GRIN2A: variants seen among roughly 807,000 people sequenced by gnomAD.
The protein encoded by GRIN2A is glutamate receptor ionotropic, NMDA 2A.
In GRIN2A, 22 loss-of-function variants were observed where a neutral mutation model predicts 113.4. That is an observed-to-expected ratio of 0.19 (90% CI 0.14 to 0.28). The LOEUF is 0.28. GRIN2A is among the 10% of genes least tolerant of loss of function. The pLI, the probability that GRIN2A is intolerant of heterozygous loss-of-function variation, is 1.00. For missense variants in GRIN2A, 1,502 were observed against 1,887.0 expected (o/e 0.80, Z 3.78); for synonymous variants, 827 against 738.4 (o/e 1.12, Z -1.94).
intron 10 of GRIN2A, among the ~76,000 whole-genome samples, chr16:9,811,353 C>G (rs1450174490): frequency 6.6e-6 from 1 of 152,202 alleles, no homozygotes; most frequent in South Asian, 2.1e-4. Flanking sequence ...TGGCTTCTGC[C>G]TGAACTTCAG....
chr16:10,135,375 C>T (rs982010713), intron 2 of GRIN2A, among the ~76,000 whole-genome samples: 7 of 152,192 alleles, frequency 4.6e-5, no homozygotes, highest in Non-Finnish European at 8.8e-5. Flanking sequence ...CCTTCTCTAA[C>T]ATGTTTCTTA....
intron 10 of GRIN2A, among the ~76,000 whole-genome samples, chr16:9,807,403 AGG>A: frequency 1.3e-5 from 1 of 75,480 alleles, no homozygotes; most frequent in East Asian, 4.2e-4. Flanking sequence ...GGAGGGAGGG[AGG>A]GAGAGAAAGG....
intron 2 of GRIN2A, among the ~76,000 whole-genome samples, chr16:10,144,067 A>G (rs1052698418): frequency 1.3e-5 from 2 of 152,164 alleles, no homozygotes; most frequent in East Asian, 1.9e-4. Flanking sequence ...TATTTCTTTG[A>G]GATCCTGATT....
intron 2 of GRIN2A, among the ~76,000 whole-genome samples, chr16:9,949,660 G>T (rs987163507): frequency 1.3e-5 from 2 of 150,490 alleles, no homozygotes; most frequent in Non-Finnish European, 3.0e-5. Flanking sequence ...CAGATGGACA[G>T]ATGGATGGAC....
At chr16:10,110,012 T>C (rs555160839) in intron 2 of GRIN2A, among the ~76,000 whole-genome samples, 1 of 152,322 alleles carries the variant, frequency 6.6e-6, no homozygotes, top group African/African-American at 2.4e-5. Flanking sequence ...TAACTCGTCA[T>C]CTAGCATTAG....
chr16:9,986,473 A>G (rs986974783), intron 2 of GRIN2A, among the ~76,000 whole-genome samples: 2 of 152,166 alleles, frequency 1.3e-5, no homozygotes, highest in Non-Finnish European at 2.9e-5. Context: ...TCTTTTAAAG[A>G]AATAAAATGG....
chr16:9,916,829 G>C (rs1169530762), intron 3 of GRIN2A, among the ~76,000 whole-genome samples: 1 of 152,170 alleles, frequency 6.6e-6, no homozygotes, highest in South Asian at 2.1e-4. Context: ...ACATATGAAA[G>C]GAATTTTCTT....
chr16:10,058,308 CAAAG>C (rs750298428), intron 2 of GRIN2A, among the ~76,000 whole-genome samples: 18 of 150,630 alleles, frequency 1.2e-4, no homozygotes, highest in Admixed American at 4.0e-4. Context: ...AAACAAAAAA[CAAAG>C]AAACAAAAAA....
intron 2 of GRIN2A, among the ~76,000 whole-genome samples, chr16:9,995,023 C>T (rs377389192): frequency 1.3e-5 from 2 of 152,114 alleles, no homozygotes; most frequent in Admixed American, 6.5e-5. Context: ...AGTCCAGGGA[C>T]GAGCTGAAGA....
intron 2 of GRIN2A, among the ~76,000 whole-genome samples, chr16:10,156,732 G>C (rs1173529422): frequency 6.6e-6 from 1 of 152,230 alleles, no homozygotes; most frequent in Non-Finnish European, 1.5e-5. Context: ...TAAAGGCAAA[G>C]CGGGACTAAC....
intron 2 of GRIN2A, among the ~76,000 whole-genome samples, chr16:10,109,173 A>C (rs2048559509): frequency 6.6e-6 from 1 of 152,072 alleles, no homozygotes; most frequent in Non-Finnish European, 1.5e-5. Context: ...ACCTAGATGA[A>C]ATGGACAAAT....
At chr16:9,773,313 G>A (rs894310322) in intron 11 of GRIN2A, among the ~76,000 whole-genome samples, 3 of 152,126 alleles carry the variant, frequency 2.0e-5, no homozygotes, top group Non-Finnish European at 2.9e-5. Flanking sequence ...AACTTGCAGC[G>A]GGCTTGAGAG....
intron 2 of GRIN2A, among the ~76,000 whole-genome samples, chr16:10,025,356 G>A (rs1476338214): frequency 7.1e-6 from 1 of 139,910 alleles, no homozygotes; most frequent in East Asian, 2.2e-4. Context: ...AGGCTGGAGT[G>A]CAGTGGTGTA....
intron 2 of GRIN2A, among the ~76,000 whole-genome samples, chr16:10,172,180 G>C (rs148858383): frequency 1.5e-3 from 231 of 152,326 alleles, no homozygotes; most frequent in African/African-American, 5.5e-3. Context: ...GGTTCAGACA[G>C]GTGAAGGGCC....
chr16:9,963,648 C>T (rs1450257809), intron 2 of GRIN2A, among the ~76,000 whole-genome samples: 1 of 152,144 alleles, frequency 6.6e-6, no homozygotes, highest in Non-Finnish European at 1.5e-5. Flanking sequence ...TATATGTAAG[C>T]TATGCCTCCA....
intron 2 of GRIN2A, among the ~76,000 whole-genome samples, chr16:9,946,185 C>T (rs1274469557): frequency 1.3e-5 from 2 of 152,182 alleles, no homozygotes; most frequent in African/African-American, 2.4e-5. Flanking sequence ...TGCAAGGAAA[C>T]AGCAAAGACC....
rs571382201 is a variant in GRIN2A at position 10,061,877 on chromosome 16, C to T, written c.414+118121G>A. 1.1e-4 allele frequency among the ~76,000 whole-genome samples: 16 copies of T among 152,280 alleles called. 1 individual carries two copies. In the South Asian group the frequency reaches 2.5e-3, roughly 24 times the overall value. On this transcript the variant is annotated intron_variant, in intron 2 of 12. Transcript: ENST00000330684. ...TCATAAACAGAACATAAAGGCCAATCGAACTCAGCAGCAAAATGGGACGTA... is the reference window on the plus strand; with the variant it reads ...TCATAAACAGAACATAAAGGCCAATTGAACTCAGCAGCAAAATGGGACGTA...
intron 10 of GRIN2A, among the ~76,000 whole-genome samples, chr16:9,813,471 G>C (rs542321136): frequency 6.6e-6 from 1 of 150,956 alleles, no homozygotes; most frequent in East Asian, 1.9e-4. Flanking sequence ...TCACCTAGCA[G>C]CATCTCCGAT....
At chr16:9,829,219 C>A (rs534555289) in intron 9 of GRIN2A, among the ~76,000 whole-genome samples, 95 of 152,318 alleles carry the variant, frequency 6.2e-4, no homozygotes, top group Admixed American at 1.2e-3. Context: ...GATCTGGAAT[C>A]TTTTAGGTCT....
Sources: allele counts gnomAD v4.1 joint callset (sites outside exome capture counted in the v4.1 genomes callset), GRCh38; gene constraint gnomAD v4.1.1; transcripts MANE v1.5; gene names NCBI Gene and HGNC (gene_info 2026-07-23, HGNC 2026-07-21).